Variants in TRAF7 observed in about 807,000 individuals in gnomAD.
The protein encoded by TRAF7 is E3 ubiquitin-protein ligase TRAF7.
A neutral mutation model predicts 89.3 loss-of-function variants in TRAF7; 45 were observed. That is an observed-to-expected ratio of 0.50 (90% CI 0.40 to 0.65). The LOEUF (loss-of-function observed/expected upper bound fraction) is 0.65, where lower values mean the gene tolerates loss of function less well. Among genes scored for constraint, TRAF7 ranks in the 30% least tolerant of loss-of-function variants. The pLI is 0.00. For synonymous variants in TRAF7, 406 were observed against 369.2 expected, an observed-to-expected ratio of 1.10 and a Z score of -1.14; for missense variants, 677 against 918.1, an observed-to-expected ratio of 0.74 and a Z score of 3.39.
rs1406566474 is a variant in TRAF7, at chr16:2,165,872, C to G, written c.82-7C>G. Reference sequence around the variant, plus strand: ...ATGAGGCCAGGTCTCCTCCGTCCTCCCTCTAGACCAGAATGGAAACGACCT... The same window carrying G: ...ATGAGGCCAGGTCTCCTCCGTCCTCGCTCTAGACCAGAATGGAAACGACCT... On this transcript the variant is annotated splice_region_variant and splice_polypyrimidine_tract_variant and intron_variant, in intron 2 of 20. Coordinates refer to ENST00000326181, the MANE Select transcript of TRAF7 (RefSeq NM_032271.3). 1 of 1,613,962 alleles carries G rather than the reference C, an allele frequency of 6.2e-7. No individual in the cohort carries two copies. The highest frequency in any genetic ancestry group is 1.7e-5 in the Admixed American group (1 of 59,986).
At chr16:2,157,575 A>G (rs569055703) in intron 1 of TRAF7, among the ~76,000 whole-genome samples, 1 of 152,234 alleles carries the variant, frequency 6.6e-6, no homozygotes, top group South Asian at 2.1e-4. Context: ...TTCAGCCGTC[A>G]CACATCCCCA....
At chr16:2,165,428 G>C (rs1360160527) in intron 2 of TRAF7, among the ~76,000 whole-genome samples, 4 of 125,664 alleles carry the variant, frequency 3.2e-5, no homozygotes, top group Non-Finnish European at 3.3e-5. Flanking sequence ...TGGTCGCATG[G>C]TTAAGCGTGT....
rs1042654597 is a variant in TRAF7, at chr16:2,177,901, C to A, written c.*1327C>A. The A allele has an allele frequency of 1.2e-5, 4 of 328,094 alleles. No individual in the cohort carries two copies. Among genetic ancestry groups the A allele is most frequent in the African/African-American group, 2.2e-5 (1 of 45,632 alleles). The allele number at this position is 328,094 out of a possible 1,614,324, so 20.3% of individuals were successfully genotyped here. On this transcript the variant is annotated 3_prime_UTR_variant, in exon 21 of 21. Coordinates refer to ENST00000326181, the MANE Select transcript of TRAF7 (RefSeq NM_032271.3). ...CCCAGCCTTCCACCTGTGCTAGCAG[C>A]CTGGGGCCTCCACTCTGGCCGGAGG...
At position 2,177,648 on chromosome 16, in the gene TRAF7, C is replaced by T. The variant is rs928124017; in HGVS notation, c.*1074C>T. 8.3e-6 allele frequency: 2 copies of T among 239,858 alleles called. No individual in the cohort carries two copies. The highest frequency in any genetic ancestry group is 6.1e-5 in the East Asian group (1 of 16,452). 14.9% of individuals were successfully genotyped at this position (239,858 alleles called of 1,614,324 possible). On this transcript the variant is annotated 3_prime_UTR_variant, in exon 21 of 21. Coordinates refer to ENST00000326181, the MANE Select transcript of TRAF7 (RefSeq NM_032271.3). ...CCCCTGGAGAGGGGGCCAGGCACAC[C>T]CTCAGAGGAGCTGCAAGCCCGTGGC...
chr16:2,177,919 GC>G lies in TRAF7; in HGVS notation c.*1347del, dbSNP rs749026241. 192 of 344,406 alleles carry G rather than the reference GC, an allele frequency of 5.6e-4. No homozygotes were observed. The highest frequency in any genetic ancestry group is 8.9e-4 in the Non-Finnish European group (164 of 183,744). 21.3% of individuals were successfully genotyped at this position (344,406 alleles called of 1,614,324 possible). ...CTAGCAGCCTGGGGCCTCCACTCTGGCCGGAGGAAGGACCGCAGGCAGACAG... is the reference window on the plus strand; with the variant it reads ...CTAGCAGCCTGGGGCCTCCACTCTGGCGGAGGAAGGACCGCAGGCAGACAG... On this transcript the variant is annotated 3_prime_UTR_variant, in exon 21 of 21. Coordinates refer to ENST00000326181, the MANE Select transcript of TRAF7 (RefSeq NM_032271.3).
chr16:2,166,677 C>T (rs967069487), intron 3 of TRAF7, among the ~76,000 whole-genome samples: 8 of 152,238 alleles, frequency 5.3e-5, no homozygotes, highest in Non-Finnish European at 1.2e-4. Context: ...GCTGGAATTA[C>T]AGGCATGAGC....
At chr16:2,165,687 G>A (rs916124556) in intron 2 of TRAF7, among the ~76,000 whole-genome samples, 192 bp from the exon 3 acceptor site, 7 of 149,710 alleles carry the variant, frequency 4.7e-5, no homozygotes, top group Admixed American at 6.6e-5. Context: ...AAGCGTGTTA[G>A]CGCTGCGTGG....
intron 9 of TRAF7, 134 bp downstream of exon 9, chr16:2,172,733 G>A: frequency 1.7e-6 from 2 of 1,174,872 alleles, no homozygotes; most frequent in East Asian, 2.6e-5. Flanking sequence ...AATCCTCTCT[G>A]AGGCCCAAGG....
chr16:2,171,118 C>A, intron 5 of TRAF7, 146 bp from the exon 6 acceptor site: 1 of 664,302 alleles, frequency 1.5e-6, no homozygotes, highest in Non-Finnish European at 2.6e-6. Context: ...CCGATCAAGC[C>A]CCCCAGCTCT....
At position 2,172,519 on chromosome 16, in the gene TRAF7, C is replaced by T. The variant is rs375174789; in HGVS notation, c.714C>T (p.Ser238=). ...YRPVRCPNNP[S]CPPLLRMNLE... is the part of the protein sequence containing the mutation. The stretch of plus-strand genomic sequence containing the variant: ...CTGTGCGGTGTCCCAACAACCCCAG[C>T]TGCCCCCCGCTGCTCAGGATGAACC... The change falls in exon 9 of 21, where the codon AGC becomes AGT. Residue 238 remains serine, a synonymous_variant. Transcript: ENST00000326181. The T allele has an allele frequency of 1.1e-4, 170 of 1,594,256 alleles. No homozygotes were observed. The highest frequency in any genetic ancestry group is 1.4e-4 in the Non-Finnish European group (163 of 1,171,230).
chr16:2,166,473 A>G (rs750012236), intron 3 of TRAF7, among the ~76,000 whole-genome samples: 5 of 152,106 alleles, frequency 3.3e-5, no homozygotes, highest in Non-Finnish European at 5.9e-5. Flanking sequence ...CAGTGGCGCA[A>G]TCTTGGCTCA....
intron 1 of TRAF7, among the ~76,000 whole-genome samples, chr16:2,156,255 C>CT (rs913638103): frequency 1.3e-5 from 2 of 152,136 alleles, no homozygotes; most frequent in Admixed American, 6.5e-5. Flanking sequence ...GCCCGGGTCG[C>CT]TTTTTGCTGC....
chr16:2,173,859 T>TGGGGGCCCCCCCCCCCCCCCCCCCC, intron 12 of TRAF7, 23 bp downstream of exon 12: 1 of 1,246,254 alleles, frequency 8.0e-7, no homozygotes, highest in Non-Finnish European at 1.1e-6. Context: ...CCGCCGTGGC[T>TGGGGGCCCCCCCCCCCCCCCCCCCC]CCCGCCCACC....
intron 1 of TRAF7, among the ~76,000 whole-genome samples, chr16:2,156,904 C>A (rs2093037126): frequency 6.6e-6 from 1 of 152,182 alleles, no homozygotes; most frequent in Non-Finnish European, 1.5e-5. Context: ...TCCTAGTCCC[C>A]ACTGGGGTCC....
intron 12 of TRAF7, 26 bp downstream of exon 12, chr16:2,173,862 C>CCCCCCCCCCCCCCCCCCCCCCCCCCCCCT: frequency 3.1e-6 from 2 of 648,074 alleles, no homozygotes; most frequent in Non-Finnish European, 2.7e-6. Context: ...CCGTGGCTCC[C>CCCCCCCCCCCCCCCCCCCCCCCCCCCCCT]GCCCACCCTC....
In TRAF7 at chr16:2,162,742, C is replaced by T. The variant is rs1040209244; in HGVS notation, c.-38-1141C>T. 1.3e-5 allele frequency among the ~76,000 whole-genome samples: 2 copies of T among 151,896 alleles called. No homozygotes were observed. Among genetic ancestry groups the T allele is most frequent in the Admixed American group, 1.3e-4 (2 of 15,276 alleles). The stretch of plus-strand genomic sequence containing the variant: ...CTCATGGGGTGCTGCGCATGGGCCT[C>T]GAGGTGGACAGTGCAGGTGGGCCCG... On this transcript the variant is annotated intron_variant, in intron 1 of 20. Coordinates refer to ENST00000326181, the MANE Select transcript of TRAF7 (RefSeq NM_032271.3). This position sits in a 1 kb window ranked among gnomAD's most constrained non-coding sequence, Gnocchi z 5.0.
At chr16:2,157,720 G>C (rs866652813) in intron 1 of TRAF7, among the ~76,000 whole-genome samples, 1 of 152,100 alleles carries the variant, frequency 6.6e-6, no homozygotes, top group Non-Finnish European at 1.5e-5. Context: ...GGGCAGCCTG[G>C]CTCTGGGATG....
Position 2,173,213 on chromosome 16 carries a change from G to A in TRAF7, c.826G>A (p.Glu276Lys), listed in dbSNP as rs1386833224. The change falls in exon 10 of 21, where the codon GAG (glutamate) becomes AAG (lysine). Residue 276 changes from glutamate (E) to lysine (K), a missense_variant. Glu to Lys is a moderately conservative substitution (Grantham distance 56). Around this residue, in one of 6 missense-constraint regions of TRAF7, gnomAD observed 238 missense variants for 352.6 expected, o/e 0.67. Transcript: ENST00000326181. ...CTFIGNQDTYETHLETCRFEG... is the reference protein window; with the variant it reads ...CTFIGNQDTYKTHLETCRFEG... ...GTTCATCGGGAACCAGGACACTTACGAGACCCACCTGGAGACTTGCCGCTT... is the reference window on the plus strand; with the variant it reads ...GTTCATCGGGAACCAGGACACTTACAAGACCCACCTGGAGACTTGCCGCTT... The A allele has an allele frequency of 2.5e-6, 4 of 1,611,696 alleles. No individual in the cohort carries two copies. Among genetic ancestry groups the A allele is most frequent in the African/African-American group, 1.3e-5 (1 of 74,856 alleles).
In TRAF7 at chr16:2,175,921, A is replaced by G. The variant is rs2093133716; in HGVS notation, c.1714A>G (p.Ile572Val). Reference sequence around the variant, plus strand: ...CTCCATTGCTGTGACAAATCACCACATTGTCTGTGGCACCTACGAGAACCT... The same window carrying G: ...CTCCATTGCTGTGACAAATCACCACGTTGTCTGTGGCACCTACGAGAACCT... ...VYSIAVTNHHIVCGTYENLIH... is the reference protein window; with the variant it reads ...VYSIAVTNHHVVCGTYENLIH... The change falls in exon 18 of 21, where the codon ATT becomes GTT. Residue 572 changes from isoleucine to valine, a missense_variant. Physicochemically the swap from Ile to Val is conservative, Grantham distance 29 (BLOSUM62 3). Transcript: ENST00000326181. The G allele has an allele frequency of 8.1e-6, 13 of 1,613,396 alleles. No homozygotes were observed. The highest frequency in any genetic ancestry group is 1.1e-5 in the Non-Finnish European group (13 of 1,179,950).
Sources: allele counts gnomAD v4.1 joint callset (sites outside exome capture counted in the v4.1 genomes callset), GRCh38; gene constraint gnomAD v4.1.1; regional missense constraint gnomAD v4.1.1; non-coding constraint Gnocchi (gnomAD v3.1); transcripts MANE v1.5; gene names NCBI Gene and HGNC (gene_info 2026-07-23, HGNC 2026-07-21).